The following TOGARAM1 variants were observed in gnomAD, a reference collection of about 807,000 sequenced individuals.
TOGARAM1 encodes the protein TOG array regulator of axonemal microtubules protein 1.
A neutral mutation model predicts 166.6 loss-of-function variants in TOGARAM1; 100 were observed. That is an observed-to-expected ratio of 0.60 (90% confidence interval 0.51 to 0.71). TOGARAM1 has a LOEUF of 0.71. TOGARAM1 is among the 30% of genes least tolerant of loss of function. The pLI is 0.00. For synonymous variants in TOGARAM1, 758 were observed against 763.8 expected (o/e 0.99, Z 0.13); for missense variants, 2,029 against 2,102.7 (o/e 0.96, Z 0.69).
At chr14:45,021,531 G>A (rs1367015017) in intron 7 of TOGARAM1, among the ~76,000 whole-genome samples, 1 of 152,286 alleles carries the variant, frequency 6.6e-6, no homozygotes, top group South Asian at 2.1e-4. Context: ...CTTTCCTCAC[G>A]GTTGTTGCTT....
Position 44,963,052 on chromosome 14 carries a change from C to G in TOGARAM1, c.631C>G (p.Pro211Ala), listed in dbSNP as rs1771253827. The change falls in exon 1 of 20, where the codon CCT (proline) becomes GCT (alanine). Residue 211 changes from proline to alanine, a missense_variant. This residue lies in a region of TOGARAM1 where 1,453 missense variants were observed against 1,432.2 expected (regional missense o/e 1.01). Transcript: ENST00000361462. The part of the protein sequence containing the change: ...QILHICLKRS[P>A]GEVLRTLIQQ... ...CCTTCATATATGTCTGAAACGTAGT[C>G]CTGGAGAGGTGCTGAGAACGCTTAT... The G allele has an allele frequency of 1.2e-6, 2 of 1,614,048 alleles. No homozygotes were observed. Among genetic ancestry groups the G allele is most frequent in the South Asian group, 2.2e-5 (2 of 91,080 alleles).
intron 13 of TOGARAM1, among the ~76,000 whole-genome samples, chr14:45,045,991 C>A (rs769023502): frequency 2.6e-5 from 4 of 151,726 alleles, no homozygotes; most frequent in Non-Finnish European, 4.4e-5. Context: ...TATTGTTATT[C>A]CAATAATGTT....
chr14:45,050,611 C>G (rs1332509383), intron 14 of TOGARAM1, among the ~76,000 whole-genome samples: 1 of 151,592 alleles, frequency 6.6e-6, no homozygotes, highest in Non-Finnish European at 1.5e-5. Context: ...CCACAAAAGC[C>G]TGCCTTTTTC....
At chr14:45,023,782 C>T (rs1258235293) in intron 7 of TOGARAM1, among the ~76,000 whole-genome samples, 2 of 152,146 alleles carry the variant, frequency 1.3e-5, no homozygotes, top group Non-Finnish European at 2.9e-5. Flanking sequence ...CTCTTGTCGC[C>T]CAGGCTGTAG....
intron 10 of TOGARAM1, among the ~76,000 whole-genome samples, chr14:45,031,532 T>C (rs1215140587): frequency 6.6e-6 from 1 of 152,194 alleles, no homozygotes; most frequent in Non-Finnish European, 1.5e-5. Flanking sequence ...CCATGAACCT[T>C]CATCTTCACT....
chr14:45,027,147 T>A, intron 8 of TOGARAM1, 152 bp from the exon 9 acceptor site: 1 of 671,358 alleles, frequency 1.5e-6, no homozygotes, highest in Non-Finnish European at 2.5e-6. Flanking sequence ...CCTATTAGGG[T>A]ATTTGTTTTT....
intron 11 of TOGARAM1, among the ~76,000 whole-genome samples, chr14:45,042,870 A>G (rs1160420603): frequency 6.6e-6 from 1 of 152,174 alleles, no homozygotes; most frequent in Non-Finnish European, 1.5e-5. Flanking sequence ...TGGTAATTTT[A>G]GCAATCACAG....
At chr14:45,009,724 T>A (rs1211358332) in intron 6 of TOGARAM1, among the ~76,000 whole-genome samples, 1 of 152,188 alleles carries the variant, frequency 6.6e-6, no homozygotes, top group Non-Finnish European at 1.5e-5. Flanking sequence ...GCAGTTGGAC[T>A]AACTTTTTCA....
intron 19 of TOGARAM1, among the ~76,000 whole-genome samples, chr14:45,072,785 A>C (rs1349858106): frequency 1.3e-5 from 2 of 152,204 alleles, no homozygotes; most frequent in Non-Finnish European, 2.9e-5. Flanking sequence ...AGGAGTATCT[A>C]GTAGAAAGAA....
At chr14:45,061,983 A>G (rs991554551) in intron 16 of TOGARAM1, among the ~76,000 whole-genome samples, 1 of 152,154 alleles carries the variant, frequency 6.6e-6, no homozygotes, top group Non-Finnish European at 1.5e-5. Context: ...CTGCTCTGTC[A>G]TTGAACATGC....
intron 2 of TOGARAM1, among the ~76,000 whole-genome samples, chr14:44,998,775 G>A (rs1201390110): frequency 2.0e-5 from 3 of 152,048 alleles, no homozygotes; most frequent in Non-Finnish European, 4.4e-5. Flanking sequence ...TAAACTAAAC[G>A]CCAGAGGAGT....
At chr14:44,978,703 T>C (rs1385364621) in intron 1 of TOGARAM1, among the ~76,000 whole-genome samples, 1 of 150,816 alleles carries the variant, frequency 6.6e-6, no homozygotes, top group Non-Finnish European at 1.5e-5. Flanking sequence ...GAGACTCAGG[T>C]GGAGGATCAC....
chr14:45,033,260 A>C (rs1458674993), intron 11 of TOGARAM1, among the ~76,000 whole-genome samples: 1 of 151,894 alleles, frequency 6.6e-6, no homozygotes, highest in African/African-American at 2.4e-5. Flanking sequence ...CTCAAAAAAA[A>C]AAAAAAAAAA....
intron 18 of TOGARAM1, among the ~76,000 whole-genome samples, chr14:45,070,910 C>CTGTTGTTGT (rs60368970): frequency 1.8e-4 from 28 of 151,646 alleles, no homozygotes; most frequent in African/African-American, 6.3e-4. Flanking sequence ...TTCCCTTTTT[C>CTGTTGTTGT]TGTTGTTGTT....
intron 1 of TOGARAM1, among the ~76,000 whole-genome samples, chr14:44,979,461 C>T (rs1566604716): frequency 1.3e-5 from 2 of 152,162 alleles, no homozygotes; most frequent in Non-Finnish European, 2.9e-5. Flanking sequence ...GTGGAGCCCT[C>T]ATGACCTAAT....
At chr14:45,039,403 C>T (rs978841576) in intron 11 of TOGARAM1, among the ~76,000 whole-genome samples, 7 of 152,146 alleles carry the variant, frequency 4.6e-5, no homozygotes, top group East Asian at 1.9e-4. Context: ...CTTGAAGGTA[C>T]GGCTTCACCT....
chr14:45,052,632 T>C, intron 15 of TOGARAM1, 70 bp downstream of exon 15: 2 of 1,339,708 alleles, frequency 1.5e-6, no homozygotes, highest in South Asian at 1.5e-5. Context: ...AGGTAAAGGA[T>C]AGGAATAATT....
At chr14:45,000,037 G>C (rs1887623324) in intron 3 of TOGARAM1, among the ~76,000 whole-genome samples, 1 of 152,046 alleles carries the variant, frequency 6.6e-6, no homozygotes, top group Non-Finnish European at 1.5e-5. Flanking sequence ...CTGTCGCCCA[G>C]GCTGGAGTGT....
chr14:45,033,516 GA>G (rs1200505473), intron 11 of TOGARAM1, among the ~76,000 whole-genome samples: 3 of 151,990 alleles, frequency 2.0e-5, no homozygotes, highest in African/African-American at 7.3e-5. Context: ...AACATTATAT[GA>G]AAACTTTACT....
Sources: allele counts gnomAD v4.1 joint callset (sites outside exome capture counted in the v4.1 genomes callset), GRCh38; gene constraint gnomAD v4.1.1; regional missense constraint gnomAD v4.1.1; transcripts MANE v1.5; gene names NCBI Gene and HGNC (gene_info 2026-07-23, HGNC 2026-07-21).